Variants in KIAA1217 observed in about 807,000 individuals in gnomAD.
The protein encoded by KIAA1217 is KIAA1217, also known as sickle tail protein homolog.
Under a neutral mutation model 163.9 loss-of-function variants are expected in KIAA1217, and 88 were observed. The ratio of observed to expected loss-of-function variants is 0.54; its 90% CI spans 0.45 to 0.64. KIAA1217 has a LOEUF of 0.64. KIAA1217 is among the 30% of genes least tolerant of loss of function. The pLI is 0.00. For synonymous variants in KIAA1217, 903 were observed against 923.1 expected (o/e 0.98, Z 0.39); for missense variants, 2,372 against 2,475.0 (o/e 0.96, Z 0.88).
chr10:24,095,060 G>A (rs934668133), intron 2 of KIAA1217, among the ~76,000 whole-genome samples: 7 of 152,182 alleles, frequency 4.6e-5, no homozygotes, highest in African/African-American at 1.7e-4. Context: ...ATATTCTTCT[G>A]ATGCGCCGTT....
intron 1 of KIAA1217, among the ~76,000 whole-genome samples, chr10:23,704,172 G>GTGTGTATATATATATA (rs1229370789): frequency 3.0e-4 from 12 of 39,942 alleles, no homozygotes; most frequent in African/African-American, 4.0e-4. Flanking sequence ...GTGTGTGTGT[G>GTGTGTATATATATATA]TATATATATA....
intron 2 of KIAA1217, among the ~76,000 whole-genome samples, chr10:24,115,595 T>G (rs1306040530): frequency 6.6e-6 from 1 of 152,240 alleles, no homozygotes; most frequent in Non-Finnish European, 1.5e-5. Flanking sequence ...GTGAGATCAC[T>G]TACTCACTGA....
intron 17 of KIAA1217, among the ~76,000 whole-genome samples, chr10:24,537,464 C>T (rs950235285): frequency 1.3e-5 from 2 of 151,856 alleles, no homozygotes; most frequent in African/African-American, 4.8e-5. Flanking sequence ...CTATTCTCAG[C>T]TACTCGGGAG....
At chr10:24,365,822 G>T (rs1340863711) in intron 2 of KIAA1217, among the ~76,000 whole-genome samples, 1 of 152,076 alleles carries the variant, frequency 6.6e-6, no homozygotes, top group East Asian at 1.9e-4. Flanking sequence ...GTGTTCAAGT[G>T]TTCTTTTTCT....
chr10:23,987,602 T>C (rs1477541791), intron 1 of KIAA1217, among the ~76,000 whole-genome samples: 1 of 118,466 alleles, frequency 8.4e-6, no homozygotes, highest in Non-Finnish European at 1.6e-5. Context: ...CACATTCTTA[T>C]TTGTGTGTGT....
At chr10:24,376,962 A>C (rs1174338792) in intron 2 of KIAA1217, among the ~76,000 whole-genome samples, 4 of 152,178 alleles carry the variant, frequency 2.6e-5, no homozygotes, top group African/African-American at 9.7e-5. Flanking sequence ...CTTGATACAG[A>C]GCAGCAGGCA....
intron 4 of KIAA1217, among the ~76,000 whole-genome samples, chr10:24,437,010 T>C (rs1338524368): frequency 2.6e-5 from 4 of 152,138 alleles, no homozygotes; most frequent in Non-Finnish European, 5.9e-5. Flanking sequence ...CCACAGTAAA[T>C]GCAACCCCGG....
intron 1 of KIAA1217, among the ~76,000 whole-genome samples, chr10:23,720,536 G>A (rs572769624): frequency 8.5e-5 from 13 of 152,228 alleles, no homozygotes; most frequent in African/African-American, 3.1e-4. Context: ...GAGGGTTTGG[G>A]AGTGGGTGGC....
At chr10:23,943,626 T>C (rs1843877483) in intron 1 of KIAA1217, among the ~76,000 whole-genome samples, 1 of 152,256 alleles carries the variant, frequency 6.6e-6, no homozygotes, top group Non-Finnish European at 1.5e-5. Context: ...TTGATGAATT[T>C]ATTCTAAAAT....
chr10:23,756,530 A>C (rs1833931775), intron 1 of KIAA1217, among the ~76,000 whole-genome samples: 1 of 152,122 alleles, frequency 6.6e-6, no homozygotes, highest in Non-Finnish European at 1.5e-5. Context: ...GCAATGTTTG[A>C]CTATGTTTGT....
chr10:24,403,905 G>A (rs2056864017), intron 3 of KIAA1217, among the ~76,000 whole-genome samples: 1 of 152,138 alleles, frequency 6.6e-6, no homozygotes, highest in South Asian at 2.1e-4. Flanking sequence ...CATTGCTGGT[G>A]GAAATGTAAA....
intron 1 of KIAA1217, among the ~76,000 whole-genome samples, chr10:23,744,525 T>A (rs181539767): frequency 2.6e-4 from 39 of 151,968 alleles, no homozygotes; most frequent in Admixed American, 2.6e-3. Flanking sequence ...GCATCCCGAG[T>A]GTATCATAAA....
chr10:24,063,145 T>G (rs1017160264), intron 2 of KIAA1217, among the ~76,000 whole-genome samples: 12 of 152,184 alleles, frequency 7.9e-5, no homozygotes, highest in African/African-American at 2.4e-4. Flanking sequence ...TTAGTTTAAT[T>G]AGATCCCATT....
chr10:24,333,263 G>A (rs956377699), intron 2 of KIAA1217, among the ~76,000 whole-genome samples: 7 of 152,110 alleles, frequency 4.6e-5, no homozygotes, highest in African/African-American at 1.7e-4. Context: ...GACCTCAAGT[G>A]ATCTGCCCAC....
At chr10:24,066,453 T>G (rs12098736) in intron 2 of KIAA1217, among the ~76,000 whole-genome samples, 3,762 of 152,248 alleles carry the variant, frequency 0.025, 159 homozygotes, top group African/African-American at 0.082. Context: ...TTTTCTTTAA[T>G]AATGTTGAAT....
At chr10:23,749,985 C>T (rs961809585) in intron 1 of KIAA1217, among the ~76,000 whole-genome samples, 1 of 152,060 alleles carries the variant, frequency 6.6e-6, no homozygotes, top group African/African-American at 2.4e-5. Context: ...CCTTTCTCTT[C>T]TTCTCTTCTC....
At chr10:23,851,026 A>G (rs543627670) in intron 1 of KIAA1217, among the ~76,000 whole-genome samples, 3 of 152,100 alleles carry the variant, frequency 2.0e-5, no homozygotes, top group African/African-American at 7.2e-5. Flanking sequence ...TTTTATTATT[A>G]TTATACTTTA....
At chr10:24,407,586 T>A (rs2057358541) in intron 3 of KIAA1217, among the ~76,000 whole-genome samples, 2 of 152,116 alleles carry the variant, frequency 1.3e-5, no homozygotes, top group African/African-American at 2.4e-5. Context: ...AATGATAGGG[T>A]GTGAGCCCCC....
intron 1 of KIAA1217, among the ~76,000 whole-genome samples, chr10:24,218,209 G>C (rs1249161494): frequency 6.6e-6 from 1 of 151,944 alleles, no homozygotes; most frequent in African/African-American, 2.4e-5. Flanking sequence ...TTCTGAGCTA[G>C]CTGGAATATT....
Sources: allele counts gnomAD v4.1 joint callset (sites outside exome capture counted in the v4.1 genomes callset), GRCh38; gene constraint gnomAD v4.1.1; transcripts MANE v1.5; gene names NCBI Gene and HGNC (gene_info 2026-07-23, HGNC 2026-07-21).